GDPD4: variants seen among roughly 807,000 people sequenced by gnomAD.
The protein encoded by GDPD4 is glycerophosphodiester phosphodiesterase domain containing 4, also known as glycerophosphodiester phosphodiesterase 6.
In GDPD4, 60 loss-of-function variants were observed where a neutral mutation model predicts 67.8. That is an observed-to-expected ratio of 0.88 (90% CI 0.72 to 1.10). GDPD4 has a LOEUF of 1.10. Among genes scored for constraint, GDPD4 ranks in the 50% least tolerant of loss-of-function variants. GDPD4 has a pLI of 0.00. For synonymous variants in GDPD4, 212 were observed against 210.9 expected (o/e 1.00, Z -0.04); for missense variants, 623 against 613.9 (o/e 1.01, Z -0.16).
At position 77,268,974 on chromosome 11, in the gene GDPD4, C is replaced by G. The variant is rs757541625; in HGVS notation, c.574G>C (p.Glu192Gln). Residue 192 changes from glutamate to glutamine, a missense_variant, in exon 9 of 17, where the codon GAG (glutamate) becomes CAG (glutamine). Glu to Gln is a conservative substitution (Grantham distance 29, BLOSUM62 2). Transcript: ENST00000315938. ...GIYSPCIQEKENLGPKPTIFG... is the reference protein window; with the variant it reads ...GIYSPCIQEKQNLGPKPTIFG... ...ATGGTTGGCTTGGGCCCCAAATTCT[C>G]CTTCTCCTGAATGCAGGGAGAATAA... 1 of 1,614,108 alleles carries G rather than the reference C, an allele frequency of 6.2e-7. No homozygotes were observed. The highest frequency in any genetic ancestry group is 8.5e-7 in the Non-Finnish European group (1 of 1,179,980).
chr11:77,272,562 G>A (rs1422194591), intron 5 of GDPD4, among the ~76,000 whole-genome samples: 1 of 152,118 alleles, frequency 6.6e-6, no homozygotes, highest in Non-Finnish European at 1.5e-5. Flanking sequence ...GATCACCTGA[G>A]GCCAGGAGTT....
intron 14 of GDPD4, among the ~76,000 whole-genome samples, chr11:77,229,921 C>T (rs1958423308): frequency 6.7e-6 from 1 of 149,314 alleles, no homozygotes. Flanking sequence ...ATTGTGCCCT[C>T]TCTAATTCCA....
intron 16 of GDPD4, among the ~76,000 whole-genome samples, chr11:77,220,451 T>C (rs1031830103): frequency 6.6e-6 from 1 of 152,272 alleles, no homozygotes; most frequent in African/African-American, 2.4e-5. Flanking sequence ...TTTCTGCATC[T>C]ATTGAGATAA....
intron 14 of GDPD4, 21 bp downstream of exon 14, chr11:77,233,004 C>T (rs4945162): frequency 0.35 from 558,400 of 1,610,842 alleles, 99,301 homozygotes; most frequent in Admixed American, 0.54. Context: ...CCTGGAAGAA[C>T]AATCTGGACA....
chr11:77,252,077 T>G (rs1216788726), intron 11 of GDPD4, among the ~76,000 whole-genome samples: 2 of 149,576 alleles, frequency 1.3e-5, no homozygotes, highest in Non-Finnish European at 3.0e-5. Context: ...TTTTTTTTTT[T>G]TTTTGAGACA....
At chr11:77,257,552 T>TGCACACAC (rs1959025210) in intron 11 of GDPD4, among the ~76,000 whole-genome samples, 1 of 134,266 alleles carries the variant, frequency 7.4e-6, no homozygotes, top group Non-Finnish European at 1.6e-5. Context: ...CTCCCTCTCC[T>TGCACACAC]ACACACACAC....
chr11:77,248,957 C>A (rs1958834940), intron 11 of GDPD4, among the ~76,000 whole-genome samples: 1 of 149,822 alleles, frequency 6.7e-6, no homozygotes, highest in South Asian at 2.1e-4. Flanking sequence ...GAACTCATGA[C>A]CTCTCCCCTA....
chr11:77,278,192 A>C (rs539242075), intron 4 of GDPD4, among the ~76,000 whole-genome samples: 1 of 152,132 alleles, frequency 6.6e-6, no homozygotes, highest in South Asian at 2.1e-4. Flanking sequence ...TCCTGACCTT[A>C]TGATCCACCC....
chr11:77,299,203 A>G (rs546932925), intron 1 of GDPD4, among the ~76,000 whole-genome samples: 121 of 152,302 alleles, frequency 7.9e-4, no homozygotes, highest in South Asian at 1.9e-3. Flanking sequence ...CACCAGCCCC[A>G]TAGAATACCA....
At chr11:77,231,884 C>T (rs936646210) in intron 14 of GDPD4, among the ~76,000 whole-genome samples, 6 of 152,280 alleles carry the variant, frequency 3.9e-5, no homozygotes, top group African/African-American at 1.4e-4. Flanking sequence ...AAGCTCCCTT[C>T]AGGGTCATCT....
intron 5 of GDPD4, among the ~76,000 whole-genome samples, chr11:77,272,724 T>C (rs1959272898): frequency 1.3e-5 from 2 of 151,416 alleles, no homozygotes; most frequent in South Asian, 4.2e-4. Context: ...TGCAGTGAGC[T>C]GAGATTGCAC....
chr11:77,282,401 T>C (rs1273760012), intron 3 of GDPD4, among the ~76,000 whole-genome samples: 1 of 152,094 alleles, frequency 6.6e-6, no homozygotes, highest in Non-Finnish European at 1.5e-5. Context: ...ACACCTGCAA[T>C]CCCAGCAATT....
At chr11:77,236,267 T>C (rs1197107855) in intron 13 of GDPD4, among the ~76,000 whole-genome samples, 3 of 152,094 alleles carry the variant, frequency 2.0e-5, no homozygotes, top group African/African-American at 4.8e-5. Context: ...ATGTGCCATG[T>C]TGGTTTTCTG....
chr11:77,288,464 C>T (rs889610170), intron 1 of GDPD4, among the ~76,000 whole-genome samples: 1 of 152,172 alleles, frequency 6.6e-6, no homozygotes, highest in Admixed American at 6.5e-5. Flanking sequence ...GCCTGATTTC[C>T]CCATTCCCAG....
intron 11 of GDPD4, among the ~76,000 whole-genome samples, chr11:77,253,623 T>C (rs1272244811): frequency 2.0e-5 from 3 of 152,130 alleles, no homozygotes; most frequent in Admixed American, 2.0e-4. Flanking sequence ...AGCTCAGCCA[T>C]GGAACGTGCA....
chr11:77,230,937 G>C (rs1000980432), intron 14 of GDPD4, among the ~76,000 whole-genome samples: 1 of 152,058 alleles, frequency 6.6e-6, no homozygotes, highest in Non-Finnish European at 1.5e-5. Flanking sequence ...TCTTGCTGTT[G>C]GGAACCCATC....
At chr11:77,280,489 T>A (rs1959710415) in intron 3 of GDPD4, among the ~76,000 whole-genome samples, 1 of 152,084 alleles carries the variant, frequency 6.6e-6, no homozygotes, top group African/African-American at 2.4e-5. Flanking sequence ...ACTAATCAGT[T>A]TAACCAAATT....
chr11:77,248,753 T>C (rs1182242512), intron 11 of GDPD4, among the ~76,000 whole-genome samples: 1 of 151,266 alleles, frequency 6.6e-6, no homozygotes, highest in Non-Finnish European at 1.5e-5. Flanking sequence ...TTGAGTTTTG[T>C]TCTTGTTGCC....
chr11:77,259,695 G>A (rs753771706), intron 10 of GDPD4, among the ~76,000 whole-genome samples: 1 of 152,070 alleles, frequency 6.6e-6, no homozygotes, highest in Non-Finnish European at 1.5e-5. Context: ...TGAGAAGAAA[G>A]AGATTAGAGT....
Sources: gnomAD v4.1 joint callset for allele counts (sites outside exome capture counted in the v4.1 genomes callset) on GRCh38, gnomAD v4.1.1 for gene constraint, MANE v1.5 for transcripts, NCBI Gene and HGNC (gene_info 2026-07-23, HGNC 2026-07-21) for gene names.